PEX14: variants seen among roughly 807,000 people sequenced by gnomAD.
PEX14 encodes peroxisomal membrane protein PEX14.
PEX14 carries 15 observed loss-of-function variants against 49.5 expected under a neutral mutation model. The observed-to-expected ratio is 0.30, with a 90% CI of 0.20 to 0.47. The LOEUF (loss-of-function observed/expected upper bound fraction) is 0.47. Ranked by LOEUF, PEX14 falls within the 20% of genes least tolerant of loss-of-function variation. PEX14 has a pLI of 1.00. For synonymous variants in PEX14, 210 were observed against 212.7 expected (o/e 0.99, Z 0.11); for missense variants, 398 against 494.8 (o/e 0.80, Z 1.86).
At chr1:10,624,257 G>A in intron 6 of PEX14, 83 bp from the exon 7 acceptor site, 1 of 873,704 alleles carries the variant, frequency 1.1e-6, no homozygotes, top group South Asian at 1.3e-5. Flanking sequence ...GGGAACACGG[G>A]CAGCTCCGAG....
chr1:10,558,128 C>T (rs993018739), intron 3 of PEX14, among the ~76,000 whole-genome samples: 5 of 152,090 alleles, frequency 3.3e-5, no homozygotes, highest in African/African-American at 9.7e-5. Flanking sequence ...TTGTTACACA[C>T]TGTATTTGTT....
chr1:10,498,973 A>G (rs1053897287), intron 2 of PEX14, among the ~76,000 whole-genome samples: 1 of 152,208 alleles, frequency 6.6e-6, no homozygotes, highest in Non-Finnish European at 1.5e-5. Context: ...TTAGGCCCAC[A>G]CAGTCTCTGG....
chr1:10,602,105 A>G (rs1641001043), intron 4 of PEX14, among the ~76,000 whole-genome samples: 1 of 152,134 alleles, frequency 6.6e-6, no homozygotes, highest in South Asian at 2.1e-4. Flanking sequence ...TGGGGTGGGG[A>G]GGGGCAATTC....
rs938643142 is a variant in PEX14 at position 10,623,399 on chromosome 1, C to T, written c.487+278C>T. 2.7e-5 allele frequency: 11 copies of T among 402,798 alleles called. No individual in the cohort carries two copies. The highest frequency in any genetic ancestry group is 4.7e-6 in the Non-Finnish European group (1 of 212,538). 25.0% of individuals were successfully genotyped at this position (402,798 alleles called of 1,614,324 possible). ...AATAAAATGACAGCCTTTCTAAGGG[C>T]TGTAAAGTTCATTTTTAATTTCTGC... On this transcript the variant is annotated intron_variant, in intron 6 of 8. Transcript: ENST00000356607. This position sits in a 1 kb window ranked among gnomAD's most constrained non-coding sequence, Gnocchi z 4.4.
At chr1:10,605,884 C>T (rs537230225) in intron 4 of PEX14, among the ~76,000 whole-genome samples, 126 of 152,290 alleles carry the variant, frequency 8.3e-4, no homozygotes, top group African/African-American at 2.9e-3. Flanking sequence ...GCACCCTCTC[C>T]ATTTTGTTGC....
intron 2 of PEX14, among the ~76,000 whole-genome samples, chr1:10,510,965 C>T (rs1269648158): frequency 6.6e-6 from 1 of 152,200 alleles, no homozygotes; most frequent in African/African-American, 2.4e-5. Flanking sequence ...TAAATCTTGA[C>T]AGTCTTTATT....
intron 3 of PEX14, among the ~76,000 whole-genome samples, chr1:10,560,492 A>G (rs879777923): frequency 1.1e-4 from 16 of 152,070 alleles, no homozygotes; most frequent in Admixed American, 9.8e-4. Flanking sequence ...CAGTGGTGCC[A>G]TCTGGGACCA....
At chr1:10,542,366 G>C (rs1029195664) in intron 3 of PEX14, among the ~76,000 whole-genome samples, 1 of 152,120 alleles carries the variant, frequency 6.6e-6, no homozygotes, top group Non-Finnish European at 1.5e-5. Flanking sequence ...CGTATACTTG[G>C]TGTTATATCT....
chr1:10,577,972 T>TATAA (rs954554450), intron 3 of PEX14, among the ~76,000 whole-genome samples: 9 of 151,892 alleles, frequency 5.9e-5, no homozygotes, highest in African/African-American at 1.9e-4. Context: ...GAGCCACCTT[T>TATAA]ATAAGGCTTT....
rs1570367581 is a variant in PEX14 at position 10,623,919 on chromosome 1, G to A, written c.488-421G>A. Reference sequence around the variant, plus strand: ...CAGTGGGAAACAGGACGTGCGGCTTGAGCCACTCCTGGATGTGAATGTGGC... The same window carrying A: ...CAGTGGGAAACAGGACGTGCGGCTTAAGCCACTCCTGGATGTGAATGTGGC... On this transcript the variant is annotated intron_variant, in intron 6 of 8. Coordinates refer to ENST00000356607, the MANE Select transcript of PEX14 (RefSeq NM_004565.3). This position sits in a 1 kb window ranked among gnomAD's most constrained non-coding sequence, Gnocchi z 4.4. Among the ~76,000 whole-genome samples the A allele has an allele frequency of 1.3e-5, 2 of 152,194 alleles. No homozygotes were observed. The highest frequency in any genetic ancestry group is 4.1e-4 in the South Asian group (2 of 4,838).
chr1:10,553,913 C>T (rs1037210885), intron 3 of PEX14, among the ~76,000 whole-genome samples: 2 of 152,160 alleles, frequency 1.3e-5, no homozygotes, highest in Non-Finnish European at 2.9e-5. Context: ...GGTTAGTTCC[C>T]TGACCTTGCA....
intron 3 of PEX14, among the ~76,000 whole-genome samples, chr1:10,549,108 T>C (rs1168264913): frequency 2.6e-5 from 4 of 152,168 alleles, no homozygotes; most frequent in Non-Finnish European, 5.9e-5. Context: ...AGTTCAAGTT[T>C]ACTATATCAT....
chr1:10,546,237 G>A (rs925968345), intron 3 of PEX14, among the ~76,000 whole-genome samples: 3 of 152,044 alleles, frequency 2.0e-5, no homozygotes, highest in Non-Finnish European at 4.4e-5. Flanking sequence ...CGTGCATCAG[G>A]AACCTCTAGG....
chr1:10,537,135 C>A (rs190477378), intron 3 of PEX14, among the ~76,000 whole-genome samples: 54 of 152,278 alleles, frequency 3.5e-4, no homozygotes, highest in Non-Finnish European at 5.7e-4. Context: ...TAGGTCTGCT[C>A]TGTGATGTCC....
chr1:10,568,331 C>G (rs1369205216), intron 3 of PEX14, among the ~76,000 whole-genome samples: 2 of 141,092 alleles, frequency 1.4e-5, no homozygotes, highest in South Asian at 2.4e-4. Flanking sequence ...CTTCCCCCCC[C>G]CCCCCCCACT....
At chr1:10,616,511 T>C (rs900776350) in intron 4 of PEX14, among the ~76,000 whole-genome samples, 26 of 152,252 alleles carry the variant, frequency 1.7e-4, no homozygotes, top group African/African-American at 6.3e-4. Context: ...AGCAGCACAC[T>C]GTGGGGGCGC....
chr1:10,564,595 CTTTT>C (rs58926587), intron 3 of PEX14, among the ~76,000 whole-genome samples: 12 of 107,108 alleles, frequency 1.1e-4, no homozygotes, highest in Admixed American at 2.0e-4. Context: ...CTTTTTCTTT[CTTTT>C]TTTTTTTTTT....
chr1:10,479,365 A>G (rs999252013), intron 1 of PEX14, among the ~76,000 whole-genome samples: 1 of 151,872 alleles, frequency 6.6e-6, no homozygotes, highest in African/African-American at 2.4e-5. Context: ...TGAGAGAGCA[A>G]TACCCTGTTT....
Position 10,623,218 on chromosome 1 carries a change from G to C in PEX14, c.487+97G>C. 1.3e-6 allele frequency: 1 copy of C among 781,128 alleles called. No individual in the cohort carries two copies. The highest frequency in any genetic ancestry group is 2.2e-6 in the Non-Finnish European group (1 of 444,466). 48.4% of individuals were successfully genotyped at this position (781,128 alleles called of 1,614,324 possible). A position where few individuals can be genotyped will look rare whatever the true frequency, so the allele number is the denominator to read the frequency against. ...TCTCCCTCTGTCTCCACTCTATGTG[G>C]TGACTTCATTTATCTGCTCTGAGAA... On this transcript the variant is annotated intron_variant, in intron 6 of 8. Coordinates refer to ENST00000356607, the MANE Select transcript of PEX14 (RefSeq NM_004565.3). This position sits in a 1 kb window ranked among gnomAD's most constrained non-coding sequence, Gnocchi z 4.4.
Sources: allele counts gnomAD v4.1 joint callset (sites outside exome capture counted in the v4.1 genomes callset), GRCh38; gene constraint gnomAD v4.1.1; non-coding constraint Gnocchi (gnomAD v3.1); transcripts MANE v1.5; gene names NCBI Gene and HGNC (gene_info 2026-07-23, HGNC 2026-07-21).